ZNF507: variants seen among roughly 807,000 people sequenced by gnomAD.
ZNF507 encodes zinc finger protein 507.
ZNF507 carries 29 observed loss-of-function variants against 80.0 expected under a neutral mutation model. The observed-to-expected ratio is 0.36, with a 90% CI of 0.27 to 0.49. The LOEUF (loss-of-function observed/expected upper bound fraction) is 0.49, where lower values mean the gene tolerates loss of function less well. ZNF507 is among the 20% of genes least tolerant of loss of function. The pLI is 0.98. For synonymous variants in ZNF507, 462 were observed against 422.5 expected, an observed-to-expected ratio of 1.09 and a Z score of -1.15; for missense variants, 1,081 against 1,152.2, an observed-to-expected ratio of 0.94 and a Z score of 0.90.
At chr19:32,382,684 C>T (rs943335114) in intron 6 of ZNF507, 33 bp from the exon 7 acceptor site, 10 of 1,609,944 alleles carry the variant, frequency 6.2e-6, no homozygotes, top group Non-Finnish European at 6.8e-6. Flanking sequence ...TTGTAGCCTC[C>T]TCACGGTGTG....
At chr19:32,348,676 TG>T in intron 2 of ZNF507, among the ~76,000 whole-genome samples, 1 of 152,362 alleles carries the variant, frequency 6.6e-6, no homozygotes, top group Middle Eastern at 3.4e-3. Context: ...ATACAACTTT[TG>T]TTTATTACTT....
rs1967705477 is a variant in ZNF507 at position 32,387,542 on chromosome 19, T to C, written c.*4459T>C. 1 of 152,220 alleles carries C rather than the reference T, an allele frequency of 6.6e-6. No individual in the cohort carries two copies. Among genetic ancestry groups the C allele is most frequent in the Non-Finnish European group, 1.5e-5 (1 of 68,036 alleles). The allele number at this position is 152,220 out of a possible 1,614,324, so 9.4% of individuals were successfully genotyped here. On this transcript the variant is annotated 3_prime_UTR_variant, in exon 7 of 7. Coordinates refer to ENST00000355898, the MANE Select transcript of ZNF507 (RefSeq NM_001136156.2). ...TGGTCCAGTGTGGCAGCCACTATAA[T>C]ATCTAAGTGTAAAATACATAGCAGT...
chr19:32,360,579 G>A lies in ZNF507; in HGVS notation c.2321G>A (p.Arg774Lys). 2 of 1,604,084 alleles carry A rather than the reference G, an allele frequency of 1.2e-6. No homozygotes were observed. The highest frequency in any genetic ancestry group is 1.7e-6 in the Non-Finnish European group (2 of 1,175,476). The change falls in exon 5 of 7, where the codon AGA becomes AAA. Residue 774 changes from arginine to lysine, a missense_variant. Around this residue, in one of 6 missense-constraint regions of ZNF507, gnomAD observed 40 missense variants for 52.4 expected, o/e 0.76. Coordinates refer to ENST00000355898, the MANE Select transcript of ZNF507 (RefSeq NM_001136156.2). ...DYTSTTYVGV[R>K]NHRRIHNSDK... ...ACAAGTACAACATATGTTGGTGTCAGAAACCACAGGCGAATCCATAACTCT... is the reference window on the plus strand; with the variant it reads ...ACAAGTACAACATATGTTGGTGTCAAAAACCACAGGCGAATCCATAACTCT...
intron 5 of ZNF507, among the ~76,000 whole-genome samples, chr19:32,361,947 G>C (rs779685740): frequency 8.4e-6 from 1 of 119,116 alleles, no homozygotes; most frequent in African/African-American, 3.2e-5. Context: ...ACAGAGTCTC[G>C]CTCTGTCATC....
At position 32,383,685 on chromosome 19, in the gene ZNF507, G is replaced by T. The variant is rs555583509; in HGVS notation, c.*602G>T. The T allele has an allele frequency of 2.0e-5, 3 of 152,276 alleles. No individual in the cohort carries two copies. The East Asian group carries it at 5.8e-4, about 29-fold the overall frequency. 9.4% of individuals were successfully genotyped at this position (152,276 alleles called of 1,614,324 possible). A position where few individuals can be genotyped will look rare whatever the true frequency, so the allele number is the denominator to read the frequency against. ...GTTCCTTTACTCCTTAAAAAAGAAA[G>T]GAAAGATCTCTAAATTCAAAGCTAG... On this transcript the variant is annotated 3_prime_UTR_variant, in exon 7 of 7. Coordinates refer to ENST00000355898, the MANE Select transcript of ZNF507 (RefSeq NM_001136156.2).
At chr19:32,347,015 G>A (rs1967105824) in intron 1 of ZNF507, among the ~76,000 whole-genome samples, 1 of 152,106 alleles carries the variant, frequency 6.6e-6, no homozygotes, top group Non-Finnish European at 1.5e-5. Context: ...ACAATTATTG[G>A]GAGAAGTTTC....
chr19:32,364,731 G>A (rs749040438), intron 5 of ZNF507, among the ~76,000 whole-genome samples: 8 of 152,050 alleles, frequency 5.3e-5, no homozygotes, highest in Non-Finnish European at 1.0e-4. Context: ...TTATCCACTC[G>A]TTGATTGATG....
chr19:32,355,400 C>T (rs1002375842), intron 3 of ZNF507, among the ~76,000 whole-genome samples: 2 of 152,110 alleles, frequency 1.3e-5, no homozygotes, highest in Non-Finnish European at 2.9e-5. Context: ...ACATAACCAA[C>T]AGTGATGTGT....
At chr19:32,346,933 C>G (rs1205081425) in intron 1 of ZNF507, among the ~76,000 whole-genome samples, 1 of 152,164 alleles carries the variant, frequency 6.6e-6, no homozygotes, top group Non-Finnish European at 1.5e-5. Context: ...GTTCCATTCT[C>G]ATTAGAAAAT....
At chr19:32,348,007 T>G (rs760812893) in intron 2 of ZNF507, among the ~76,000 whole-genome samples, 51 of 152,188 alleles carry the variant, frequency 3.4e-4, no homozygotes, top group Admixed American at 3.3e-4. Flanking sequence ...TATAGTGAGG[T>G]AAATCTATAA....
chr19:32,373,316 C>T (rs1456762306), intron 5 of ZNF507, among the ~76,000 whole-genome samples: 1 of 152,120 alleles, frequency 6.6e-6, no homozygotes, highest in South Asian at 2.1e-4. Context: ...AATACTATCC[C>T]TTTGGAGGTT....
intron 5 of ZNF507, among the ~76,000 whole-genome samples, chr19:32,375,226 C>T (rs997792937): frequency 6.6e-6 from 1 of 152,160 alleles, no homozygotes; most frequent in South Asian, 2.1e-4. Flanking sequence ...TTTGTCACAA[C>T]TGAGGGAGAA....
intron 5 of ZNF507, among the ~76,000 whole-genome samples, chr19:32,373,637 C>T (rs1277987749): frequency 3.9e-5 from 6 of 152,210 alleles, no homozygotes; most frequent in Non-Finnish European, 5.9e-5. Context: ...CTACATACCT[C>T]GTCATTAAAT....
chr19:32,375,475 G>A (rs2145339322), intron 5 of ZNF507, among the ~76,000 whole-genome samples: 1 of 152,330 alleles, frequency 6.6e-6, no homozygotes, highest in Non-Finnish European at 1.5e-5. Flanking sequence ...CTGCAAGACA[G>A]ATGGGCCTGA....
rs1199781874 is a variant in ZNF507, at chr19:32,384,296, A to C, written c.*1213A>C. ...ATGGAAAACCAACACAAAGTGCTTT[A>C]GCATTAAAACTCACCATCAAATAGA... is the stretch of plus-strand genomic sequence containing the variant. On this transcript the variant is annotated 3_prime_UTR_variant, in exon 7 of 7. Transcript: ENST00000355898. The C allele has an allele frequency of 6.6e-6, 1 of 152,256 alleles. No individual in the cohort carries two copies. The highest frequency in any genetic ancestry group is 1.5e-5 in the Non-Finnish European group (1 of 68,034). The allele number at this position is 152,256 out of a possible 1,614,324, so 9.4% of individuals were successfully genotyped here. A position where few individuals can be genotyped will look rare whatever the true frequency, so the allele number is the denominator to read the frequency against.
At chr19:32,372,472 C>T (rs56318285) in intron 5 of ZNF507, among the ~76,000 whole-genome samples, 23,558 of 152,072 alleles carry the variant, frequency 0.15, 2,168 homozygotes, top group Non-Finnish European at 0.21. Context: ...CACAACGCTC[C>T]ACATGAAGAA....
chr19:32,361,428 G>T (rs1183433552), intron 5 of ZNF507, among the ~76,000 whole-genome samples: 1 of 152,158 alleles, frequency 6.6e-6, no homozygotes, highest in East Asian at 1.9e-4. Context: ...TAATCTCAAT[G>T]AAAACCTGAC....
chr19:32,383,114 A>C lies in ZNF507; in HGVS notation c.*31A>C. 1 of 1,591,658 alleles carries C rather than the reference A, an allele frequency of 6.3e-7. No individual in the cohort carries two copies. Among genetic ancestry groups the C allele is most frequent in the Non-Finnish European group, 8.6e-7 (1 of 1,166,206 alleles). On this transcript the variant is annotated 3_prime_UTR_variant, in exon 7 of 7. Coordinates refer to ENST00000355898, the MANE Select transcript of ZNF507 (RefSeq NM_001136156.2). ...ATAATGACTCGAGCAGGAAAGCAGT[A>C]GAAGAGGATTCCTTCACCACAGTTT...
At chr19:32,350,347 T>C (rs538943816) in intron 2 of ZNF507, among the ~76,000 whole-genome samples, 1 of 152,302 alleles carries the variant, frequency 6.6e-6, no homozygotes, top group East Asian at 1.9e-4. Context: ...ACTGTACTTA[T>C]CCCCAAATGT....
Sources: allele counts gnomAD v4.1 joint callset (sites outside exome capture counted in the v4.1 genomes callset), GRCh38; gene constraint gnomAD v4.1.1; regional missense constraint gnomAD v4.1.1; transcripts MANE v1.5; gene names NCBI Gene and HGNC (gene_info 2026-07-23, HGNC 2026-07-21).